NCOA3: variants seen among roughly 807,000 people sequenced by gnomAD.
The protein encoded by NCOA3 is nuclear receptor coactivator 3.
NCOA3 carries 51 observed loss-of-function variants against 158.8 expected under a neutral mutation model. The observed-to-expected ratio is 0.32, with a 90% CI of 0.26 to 0.41. NCOA3 has a LOEUF of 0.41. Ranked by LOEUF, NCOA3 falls within the 10% of genes least tolerant of loss-of-function variation. The pLI, the probability that NCOA3 is intolerant of heterozygous loss-of-function variation, is 1.00. For missense variants in NCOA3, 1,510 were observed against 1,746.6 expected, an observed-to-expected ratio of 0.86 and a Z score of 2.41; for synonymous variants, 537 against 592.4, an observed-to-expected ratio of 0.91 and a Z score of 1.36.
intron 8 of NCOA3, among the ~76,000 whole-genome samples, chr20:47,632,971 G>A (rs534355807): frequency 2.6e-5 from 4 of 152,264 alleles, no homozygotes; most frequent in South Asian, 2.1e-4. Flanking sequence ...GTGAGGCACC[G>A]TGCTAGGCCA....
At chr20:47,594,209 T>C (rs6018571) in intron 2 of NCOA3, among the ~76,000 whole-genome samples, 20,660 of 152,146 alleles carry the variant, frequency 0.14, 2,024 homozygotes, top group African/African-American at 0.26. Flanking sequence ...CATCATTTTC[T>C]TCATAATGAC....
chr20:47,635,934 C>T lies in NCOA3; in HGVS notation c.1548C>T (p.His516=), dbSNP rs1231754782. The change falls in exon 12 of 23, where the codon CAC becomes CAT. Residue 516 remains histidine (H), a synonymous_variant. Transcript: ENST00000371998. ...CATCTTCTGGCAATACTGGGAACCA[C>T]AGCTTTTCCAGCAGCTCTCTCAGTG... ...PMASSGNTGN[H]SFSSSSLSAL... is the part of the protein sequence containing the mutation. 7 of 1,614,038 alleles carry T rather than the reference C, an allele frequency of 4.3e-6. No homozygotes were observed. Among genetic ancestry groups the T allele is most frequent in the Non-Finnish European group, 5.1e-6 (6 of 1,179,976 alleles).
chr20:47,614,937 T>G (rs1204939071), intron 2 of NCOA3, among the ~76,000 whole-genome samples: 2 of 152,228 alleles, frequency 1.3e-5, no homozygotes, highest in African/African-American at 4.8e-5. Flanking sequence ...TGAGAAATTT[T>G]CTGGCTAACT....
intron 1 of NCOA3, among the ~76,000 whole-genome samples, chr20:47,504,447 A>C (rs1209282288): frequency 6.8e-6 from 1 of 147,376 alleles, no homozygotes; most frequent in Admixed American, 6.7e-5. Flanking sequence ...TCTTGCAGGG[A>C]CATTACATTA....
intron 1 of NCOA3, among the ~76,000 whole-genome samples, chr20:47,561,232 C>T (rs2085099729): frequency 6.6e-6 from 1 of 150,868 alleles, no homozygotes; most frequent in African/African-American, 2.4e-5. Context: ...GCTTCAGCCT[C>T]CTAAAGTGCT....
chr20:47,585,545 T>G (rs1316610042), intron 2 of NCOA3, among the ~76,000 whole-genome samples: 1 of 152,216 alleles, frequency 6.6e-6, no homozygotes, highest in Non-Finnish European at 1.5e-5. Flanking sequence ...AGGCTTTATC[T>G]GGCTTTCTAT....
intron 2 of NCOA3, among the ~76,000 whole-genome samples, chr20:47,593,068 G>A (rs142310915): frequency 1.6e-4 from 24 of 152,046 alleles, no homozygotes; most frequent in African/African-American, 5.8e-4. Flanking sequence ...CAAGTAGCTC[G>A]GGTTACAGGC....
At chr20:47,588,609 A>G (rs2085575134) in intron 2 of NCOA3, among the ~76,000 whole-genome samples, 1 of 152,206 alleles carries the variant, frequency 6.6e-6, no homozygotes, top group Non-Finnish European at 1.5e-5. Context: ...TACAAAAGGC[A>G]TACATTGCTT....
At chr20:47,642,063 C>T in intron 16 of NCOA3, 150 bp from the exon 17 acceptor site, 2 of 622,612 alleles carry the variant, frequency 3.2e-6, no homozygotes, top group Middle Eastern at 4.3e-4. Context: ...TAAATTGATG[C>T]CATTCACTCT....
At chr20:47,581,643 G>T (rs1337950716) in intron 1 of NCOA3, among the ~76,000 whole-genome samples, 1 of 152,100 alleles carries the variant, frequency 6.6e-6, no homozygotes, top group African/African-American at 2.4e-5. Context: ...TGTTATCTTG[G>T]TTCGATACCA....
At chr20:47,523,548 A>G (rs2084379578) in intron 1 of NCOA3, among the ~76,000 whole-genome samples, 1 of 152,226 alleles carries the variant, frequency 6.6e-6, no homozygotes, top group Non-Finnish European at 1.5e-5. Flanking sequence ...AACCAATTCC[A>G]TAAAGAAGAC....
intron 1 of NCOA3, among the ~76,000 whole-genome samples, chr20:47,542,028 T>TTTTGTGTTGTTG (rs563096988): frequency 3.7e-5 from 3 of 81,716 alleles, no homozygotes; most frequent in Non-Finnish European, 7.6e-5. Flanking sequence ...TTTTTTTTTT[T>TTTTGTGTTGTTG]TTGTTGTTGT....
Position 47,636,349 on chromosome 20 carries a change from A to G in NCOA3, c.1963A>G (p.Ser655Gly). ...SCKESSVSVT[S>G]PSGVSSSTSG... ...TAAAGAATCTTCTGTTAGTGTCACC[A>G]GCCCCTCTGGAGTCTCCTCCTCTAC... Residue 655 changes from serine (S) to glycine (G), a missense_variant, in exon 12 of 23, where the codon AGC becomes GGC. Transcript: ENST00000371998. The G allele has an allele frequency of 1.9e-6, 3 of 1,614,176 alleles. No homozygotes were observed. Among genetic ancestry groups the G allele is most frequent in the Non-Finnish European group, 1.7e-6 (2 of 1,180,018 alleles).
chr20:47,620,728 T>C (rs555696123), intron 2 of NCOA3, among the ~76,000 whole-genome samples: 1 of 152,378 alleles, frequency 6.6e-6, no homozygotes, highest in Admixed American at 6.5e-5. Flanking sequence ...CGTTCATTTA[T>C]CAACTTAAGT....
chr20:47,584,558 T>C (rs1423972624), intron 2 of NCOA3, among the ~76,000 whole-genome samples: 1 of 150,686 alleles, frequency 6.6e-6, no homozygotes, highest in African/African-American at 2.4e-5. Flanking sequence ...AGGTGGAGGT[T>C]GTAGTGAGCT....
chr20:47,626,915 C>G, intron 5 of NCOA3, 87 bp from the exon 6 acceptor site: 1 of 1,212,076 alleles, frequency 8.3e-7, no homozygotes, highest in Non-Finnish European at 1.2e-6. Context: ...TACAGTTACA[C>G]TGATGGTTAG....
chr20:47,564,530 ATTAT>A (rs1301990982), intron 1 of NCOA3, among the ~76,000 whole-genome samples: 1 of 145,096 alleles, frequency 6.9e-6, no homozygotes, highest in African/African-American at 2.6e-5. Flanking sequence ...ATTGATGGTC[ATTAT>A]TTATTTCTCC....
chr20:47,535,961 T>C (rs1303300891), intron 1 of NCOA3, among the ~76,000 whole-genome samples: 2 of 151,968 alleles, frequency 1.3e-5, no homozygotes. Context: ...TGCATCAACT[T>C]AAATGTAGAT....
At chr20:47,511,697 G>C (rs1285966445) in intron 1 of NCOA3, among the ~76,000 whole-genome samples, 2 of 150,852 alleles carry the variant, frequency 1.3e-5, no homozygotes, top group Non-Finnish European at 3.0e-5. Flanking sequence ...GTTACAGGCA[G>C]CACTACCACG....
Sources: gnomAD v4.1 joint callset for allele counts (sites outside exome capture counted in the v4.1 genomes callset) on GRCh38, gnomAD v4.1.1 for gene constraint, MANE v1.5 for transcripts, NCBI Gene and HGNC (gene_info 2026-07-23, HGNC 2026-07-21) for gene names.